Variants in KIF1B observed in about 807,000 individuals in gnomAD.
The protein encoded by KIF1B is kinesin-like protein KIF1B.
KIF1B carries 76 observed loss-of-function variants against 241.9 expected under a neutral mutation model. That is an observed-to-expected ratio of 0.31 (90% CI 0.26 to 0.38). The LOEUF (loss-of-function observed/expected upper bound fraction) is 0.38. Ranked by LOEUF, KIF1B falls within the 10% of genes least tolerant of loss-of-function variation. The pLI, the probability that KIF1B is intolerant of heterozygous loss-of-function variation, is 1.00. For missense variants in KIF1B, 1,622 were observed against 2,271.4 expected (o/e 0.71, Z 5.81); for synonymous variants, 750 against 796.7 (o/e 0.94, Z 0.99).
At chr1:10,312,192 G>A (rs1163891593) in intron 22 of KIF1B, among the ~76,000 whole-genome samples, 2 of 151,452 alleles carry the variant, frequency 1.3e-5, no homozygotes, top group Admixed American at 1.3e-4. Flanking sequence ...CATTTGAACT[G>A]GAGCAGCTAG....
At chr1:10,338,104 T>A (rs868569584) in intron 31 of KIF1B, among the ~76,000 whole-genome samples, 6 of 152,126 alleles carry the variant, frequency 3.9e-5, no homozygotes, top group African/African-American at 1.4e-4. Flanking sequence ...GGAAAACATT[T>A]TTTTGTGAAT....
chr1:10,282,635 T>C, intron 15 of KIF1B, 102 bp downstream of exon 15: 7 of 958,072 alleles, frequency 7.3e-6, no homozygotes, highest in Non-Finnish European at 1.2e-5. Flanking sequence ...TATGGAGAAC[T>C]CTTTGACTCT....
intron 2 of KIF1B, among the ~76,000 whole-genome samples, chr1:10,242,025 T>C (rs1647144276): frequency 6.6e-6 from 1 of 152,210 alleles, no homozygotes; most frequent in African/African-American, 2.4e-5. Flanking sequence ...AGGTGAAAGC[T>C]GTTCTTAGTT....
At chr1:10,332,286 G>A (rs1358567231) in intron 27 of KIF1B, among the ~76,000 whole-genome samples, 2 of 151,636 alleles carry the variant, frequency 1.3e-5, no homozygotes, top group Non-Finnish European at 2.9e-5. Context: ...GGCTGGTCTC[G>A]AACTCCTGAC....
rs1007406358 is a variant in KIF1B, at chr1:10,380,891, T to C, written c.*4304T>C. 2.3e-5 allele frequency: 5 copies of C among 219,284 alleles called. No homozygotes were observed. The highest frequency in any genetic ancestry group is 3.7e-5 in the Non-Finnish European group (4 of 109,040). 13.6% of individuals were successfully genotyped at this position (219,284 alleles called of 1,614,324 possible). A position where few individuals can be genotyped will look rare whatever the true frequency, so the allele number is the denominator to read the frequency against. On this transcript the variant is annotated 3_prime_UTR_variant, in exon 49 of 49. Coordinates refer to ENST00000676179, the MANE Select transcript of KIF1B (RefSeq NM_001365951.3). ...TGTGCTTCCTTAGTAAATTGAAATATCAGCTGAGAGATTATTTGCTGCTGT... is the reference window on the plus strand; with the variant it reads ...TGTGCTTCCTTAGTAAATTGAAATACCAGCTGAGAGATTATTTGCTGCTGT...
chr1:10,362,272 G>A (rs964105507), intron 40 of KIF1B, among the ~76,000 whole-genome samples: 1 of 152,006 alleles, frequency 6.6e-6, no homozygotes, highest in Non-Finnish European at 1.5e-5. Context: ...TTAAGCCTAG[G>A]AGTTTGAGAC....
chr1:10,374,298 A>G lies in KIF1B; in HGVS notation c.4947-18A>G, dbSNP rs1638826233. On this transcript the variant is annotated intron_variant, in intron 45 of 48. Transcript: ENST00000676179. The surrounding 1 kb of genome is among the most constrained non-coding windows in gnomAD (Gnocchi z 4.3). ...ATTCTCTTGTTACCCTTTTCTTTCT[A>G]ATCTCTCTATTTTAAAGGACCCCAG... 4 of 1,611,936 alleles carry G rather than the reference A, an allele frequency of 2.5e-6. No individual in the cohort carries two copies. The highest frequency in any genetic ancestry group is 3.4e-6 in the Non-Finnish European group (4 of 1,178,184).
At chr1:10,349,467 T>C (rs530553075) in intron 37 of KIF1B, among the ~76,000 whole-genome samples, 2 of 151,910 alleles carry the variant, frequency 1.3e-5, no homozygotes, top group Non-Finnish European at 2.9e-5. Flanking sequence ...TCTCTGCTAA[T>C]TGTGAGCTTG....
intron 1 of KIF1B, among the ~76,000 whole-genome samples, chr1:10,223,431 G>A (rs905424635): frequency 6.6e-6 from 1 of 152,008 alleles, no homozygotes; most frequent in Non-Finnish European, 1.5e-5. Context: ...TAGTAGTAGA[G>A]AAGTGACAGA....
chr1:10,304,674 A>G, intron 22 of KIF1B: 2 of 1,612,740 alleles, frequency 1.2e-6, no homozygotes, highest in South Asian at 1.1e-5. Context: ...ACTTGAAATC[A>G]TGGTGGAAGA....
In KIF1B at chr1:10,336,663, A is replaced by C. The variant is rs1224218712; in HGVS notation, c.3050A>C (p.Glu1017Ala). The part of the protein sequence containing the change: ...RVAVQAIAAD[E>A]EAPDYGSGIR... Reference sequence around the variant, plus strand: ...ATTTTTTTTTCTGCTTTAGCGGATGAAGAAGCTCCTGATTATGGCTCTGGA... The same window carrying C: ...ATTTTTTTTTCTGCTTTAGCGGATGCAGAAGCTCCTGATTATGGCTCTGGA... The change falls in exon 29 of 49, where the codon GAA (glutamate) becomes GCA (alanine). Residue 1017 changes from glutamate (E) to alanine (A), a missense_variant. Glu to Ala is a moderately radical substitution (Grantham distance 107, BLOSUM62 -1). This residue lies in a region of KIF1B where 803 missense variants were observed against 1,112.0 expected (regional missense o/e 0.72). Transcript: ENST00000676179. 4.3e-6 allele frequency: 7 copies of C among 1,613,724 alleles called. No homozygotes were observed. In the African/African-American group the frequency reaches 8.0e-5, roughly 18 times the overall value.
chr1:10,244,585 TAC>T (rs1647181335), intron 2 of KIF1B, among the ~76,000 whole-genome samples: 1 of 150,710 alleles, frequency 6.6e-6, no homozygotes, highest in Non-Finnish European at 1.5e-5. Flanking sequence ...GTGCTGGGAT[TAC>T]AGGCCTGAGC....
At chr1:10,357,186 T>C (rs945898039) in intron 38 of KIF1B, among the ~76,000 whole-genome samples, 1 of 152,200 alleles carries the variant, frequency 6.6e-6, no homozygotes, top group African/African-American at 2.4e-5. Context: ...GACCAGAAGT[T>C]GGTTTTTAAT....
chr1:10,350,854 T>C (rs1032354054), intron 37 of KIF1B, among the ~76,000 whole-genome samples: 1 of 152,170 alleles, frequency 6.6e-6, no homozygotes, highest in African/African-American at 2.4e-5. Context: ...CCCAGCACTT[T>C]GGGAGGCCAA....
intron 22 of KIF1B, chr1:10,299,167 G>A (rs1209233635): frequency 6.6e-6 from 1 of 151,988 alleles, no homozygotes; most frequent in Non-Finnish European, 1.5e-5. Flanking sequence ...AGGATGCCTG[G>A]TGCTATCCAT....
At chr1:10,331,613 A>G (rs1000267346) in intron 27 of KIF1B, among the ~76,000 whole-genome samples, 2 of 152,236 alleles carry the variant, frequency 1.3e-5, no homozygotes, top group Admixed American at 1.3e-4. Context: ...TTGAAATCCC[A>G]AATACCCAGT....
chr1:10,255,965 G>T (rs890116663), intron 2 of KIF1B, among the ~76,000 whole-genome samples: 9 of 116,218 alleles, frequency 7.7e-5, no homozygotes, highest in East Asian at 7.6e-4. Flanking sequence ...AGTTGTTGTT[G>T]TTTTTTTTTT....
At position 10,380,278 on chromosome 1, in the gene KIF1B, A is replaced by T. The variant is rs1638988628; in HGVS notation, c.*3691A>T. The T allele has an allele frequency of 4.7e-6, 1 of 211,502 alleles. No homozygotes were observed. Among genetic ancestry groups the T allele is most frequent in the Non-Finnish European group, 9.6e-6 (1 of 104,128 alleles). 13.1% of individuals were successfully genotyped at this position (211,502 alleles called of 1,614,324 possible). On this transcript the variant is annotated 3_prime_UTR_variant, in exon 49 of 49. Transcript: ENST00000676179. ...AAAGGATTCTCCAGTGTGCACACTCATCGGTACTCTTTCTGCATTTCCCTC... is the reference window on the plus strand; with the variant it reads ...AAAGGATTCTCCAGTGTGCACACTCTTCGGTACTCTTTCTGCATTTCCCTC...
rs1411529894 is a variant in KIF1B at position 10,324,060 on chromosome 1, C to T, written c.2535C>T (p.Leu845=). Residue 845 remains leucine, a splice_region_variant and synonymous_variant, in exon 25 of 49, where the codon CTC becomes CTT. Coordinates refer to ENST00000676179, the MANE Select transcript of KIF1B (RefSeq NM_001365951.3). The stretch of plus-strand genomic sequence containing the variant: ...CACACTATTGGTCTTTGGAGAAACT[C>T]AAGTATGAAAACATTCATAAAGGCT... ...GATHYWSLEK[L]KQRLDLMREM... is the part of the protein sequence containing the mutation. 5 of 1,613,842 alleles carry T rather than the reference C, an allele frequency of 3.1e-6. No individual in the cohort carries two copies. Among genetic ancestry groups the T allele is most frequent in the Non-Finnish European group, 4.2e-6 (5 of 1,179,902 alleles).
Sources: allele counts gnomAD v4.1 joint callset (sites outside exome capture counted in the v4.1 genomes callset), GRCh38; gene constraint gnomAD v4.1.1; regional missense constraint gnomAD v4.1.1; non-coding constraint Gnocchi (gnomAD v3.1); transcripts MANE v1.5; gene names NCBI Gene and HGNC (gene_info 2026-07-23, HGNC 2026-07-21).